BANK1: variants seen among roughly 807,000 people sequenced by gnomAD.
BANK1 encodes B-cell scaffold protein with ankyrin repeats.
Under a neutral mutation model 94.5 loss-of-function variants are expected in BANK1, and 95 were observed. That is an observed-to-expected ratio of 1.00 (90% CI 0.85 to 1.19). The LOEUF (loss-of-function observed/expected upper bound fraction) is 1.19. Among genes scored for constraint, BANK1 ranks in the 50% most tolerant of loss-of-function variants. The pLI is 0.00. For missense variants in BANK1, 987 were observed against 932.2 expected (o/e 1.06, Z -0.77); for synonymous variants, 334 against 308.4 (o/e 1.08, Z -0.87).
Position 101,867,938 on chromosome 4 carries a change from A to G in BANK1, c.764-2567A>G, listed in dbSNP as rs902776548. Among the ~76,000 whole-genome samples, 5 of 152,044 alleles carry G rather than the reference A, an allele frequency of 3.3e-5. 1 individual carries two copies. Among genetic ancestry groups the G allele is most frequent in the Admixed American group, 1.3e-4 (2 of 15,248 alleles). ...AAAAATTACAAGTATGAGAGATATAACCCAACCACGTTAGTGAAGCCAAGT... is the reference window on the plus strand; with the variant it reads ...AAAAATTACAAGTATGAGAGATATAGCCCAACCACGTTAGTGAAGCCAAGT... On this transcript the variant is annotated intron_variant, in intron 4 of 16. Coordinates refer to ENST00000322953, the MANE Select transcript of BANK1 (RefSeq NM_017935.5).
chr4:102,071,783 T>C (rs1463227464), intron 14 of BANK1, among the ~76,000 whole-genome samples: 5 of 152,184 alleles, frequency 3.3e-5, no homozygotes, highest in Admixed American at 1.3e-4. Context: ...GGGGATTGTG[T>C]GCTGATGGGA....
intron 7 of BANK1, among the ~76,000 whole-genome samples, chr4:101,987,698 A>G (rs1489331464): frequency 6.6e-6 from 1 of 152,184 alleles, no homozygotes; most frequent in African/African-American, 2.4e-5. Context: ...AAAAAAGAGC[A>G]GAAATCTTAT....
chr4:101,852,165 T>G (rs1323824196), intron 2 of BANK1, among the ~76,000 whole-genome samples: 2 of 151,988 alleles, frequency 1.3e-5, no homozygotes, highest in African/African-American at 2.4e-5. Flanking sequence ...ATTTATCAAT[T>G]TCTAGTGCTT....
intron 2 of BANK1, among the ~76,000 whole-genome samples, chr4:101,841,534 C>A (rs2148867938): frequency 6.6e-6 from 1 of 151,892 alleles, no homozygotes; most frequent in South Asian, 2.1e-4. Context: ...TCACTGAAAT[C>A]AACAGTGAAC....
At chr4:101,911,265 C>T (rs529729112) in intron 6 of BANK1, among the ~76,000 whole-genome samples, 4 of 152,208 alleles carry the variant, frequency 2.6e-5, no homozygotes, top group South Asian at 4.2e-4. Context: ...AGAAAGAGAA[C>T]AGTCAGAGGA....
At chr4:101,873,609 G>T (rs1242039060) in intron 5 of BANK1, among the ~76,000 whole-genome samples, 1 of 152,134 alleles carries the variant, frequency 6.6e-6, no homozygotes, top group Non-Finnish European at 1.5e-5. Context: ...TTTTAATGAT[G>T]TCTATTAGGT....
intron 7 of BANK1, among the ~76,000 whole-genome samples, chr4:101,926,144 T>C (rs1376137561): frequency 6.6e-6 from 1 of 151,716 alleles, no homozygotes; most frequent in Non-Finnish European, 1.5e-5. Context: ...GTATATACTT[T>C]TCTACTAGTA....
rs143016450 is a variant in BANK1 at position 101,886,523 on chromosome 4, G to A, written c.904-8782G>A. Among the ~76,000 whole-genome samples, 878 of 152,226 alleles carry A rather than the reference G, an allele frequency of 5.8e-3. 14 individuals carry two copies. The East Asian group carries it at 0.058, about 10-fold the overall frequency. ...GAGACATTGTTTTGAGTATGTTATT[G>A]CTATATTTGTTTTAAAACTTCTTAT... On this transcript the variant is annotated intron_variant, in intron 5 of 16. Coordinates refer to ENST00000322953, the MANE Select transcript of BANK1 (RefSeq NM_017935.5).
chr4:101,795,517 G>A (rs1227202646), intron 1 of BANK1, among the ~76,000 whole-genome samples: 1 of 151,998 alleles, frequency 6.6e-6, no homozygotes, highest in African/African-American at 2.4e-5. Context: ...GTTACTGTCT[G>A]AAGAATCTCT....
At chr4:101,827,220 G>A (rs1239263764) in intron 1 of BANK1, among the ~76,000 whole-genome samples, 1 of 151,836 alleles carries the variant, frequency 6.6e-6, no homozygotes, top group Non-Finnish European at 1.5e-5. Flanking sequence ...ATTATTTTAG[G>A]TAGATAGGCA....
intron 5 of BANK1, among the ~76,000 whole-genome samples, chr4:101,882,135 G>A (rs1433146227): frequency 1.3e-5 from 2 of 151,946 alleles, no homozygotes; most frequent in African/African-American, 2.4e-5. Flanking sequence ...CATTTTACAC[G>A]ATGTGATTAT....
intron 7 of BANK1, among the ~76,000 whole-genome samples, chr4:101,953,717 T>C (rs1486823396): frequency 6.6e-6 from 1 of 152,136 alleles, no homozygotes; most frequent in Non-Finnish European, 1.5e-5. Flanking sequence ...AATTGCCTTC[T>C]GGAAATCTCA....
At chr4:101,856,597 G>A (rs893440006) in intron 3 of BANK1, among the ~76,000 whole-genome samples, 5 of 152,142 alleles carry the variant, frequency 3.3e-5, no homozygotes. Context: ...AAAAATATCT[G>A]CAACAGTAAA....
chr4:101,846,161 A>G (rs556970991), intron 2 of BANK1, among the ~76,000 whole-genome samples: 1 of 152,294 alleles, frequency 6.6e-6, no homozygotes, highest in African/African-American at 2.4e-5. Context: ...AATAGCAAAG[A>G]CTGGGAACCA....
At chr4:101,984,080 G>C (rs1444720513) in intron 7 of BANK1, among the ~76,000 whole-genome samples, 1 of 151,974 alleles carries the variant, frequency 6.6e-6, no homozygotes. Flanking sequence ...ATCTAGTGTA[G>C]ATAAGCAGAG....
chr4:101,998,729 T>C (rs1725963368), intron 7 of BANK1, among the ~76,000 whole-genome samples: 1 of 152,044 alleles, frequency 6.6e-6, no homozygotes, highest in African/African-American at 2.4e-5. Context: ...AATCCTCTCT[T>C]TTTCTACTTT....
chr4:101,959,257 G>A (rs1483559878), intron 7 of BANK1, among the ~76,000 whole-genome samples: 3 of 151,546 alleles, frequency 2.0e-5, no homozygotes, highest in East Asian at 1.9e-4. Flanking sequence ...CTTATGCCTC[G>A]GCCTCCCAAG....
chr4:102,049,306 G>A (rs1727975696), intron 11 of BANK1, among the ~76,000 whole-genome samples: 1 of 152,192 alleles, frequency 6.6e-6, no homozygotes, highest in African/African-American at 2.4e-5. Flanking sequence ...CTTATTCAAA[G>A]ATGGAAATAT....
At chr4:101,795,594 T>A (rs1307622123) in intron 1 of BANK1, among the ~76,000 whole-genome samples, 2 of 152,184 alleles carry the variant, frequency 1.3e-5, no homozygotes, top group Admixed American at 6.5e-5. Context: ...TTTAAAATAT[T>A]GGGAGAGGAG....
Sources: allele counts gnomAD v4.1 joint callset (sites outside exome capture counted in the v4.1 genomes callset), GRCh38; gene constraint gnomAD v4.1.1; transcripts MANE v1.5; gene names NCBI Gene and HGNC (gene_info 2026-07-23, HGNC 2026-07-21).